MAS1: variants seen among roughly 807,000 people sequenced by gnomAD.
The protein encoded by MAS1 is proto-oncogene Mas.
For synonymous variants in MAS1, 163 were observed against 164.2 expected (o/e 0.99, Z 0.05); for missense variants, 387 against 409.7 (o/e 0.94, Z 0.48).
chr6:159,895,770 G>A (rs1782748408), intron 1 of MAS1, among the ~76,000 whole-genome samples: 3 of 152,204 alleles, frequency 2.0e-5, no homozygotes, highest in Admixed American at 1.3e-4. Flanking sequence ...TACTGTTGAT[G>A]TTGGTATTAA....
chr6:159,898,954 T>C (rs1358097090), intron 1 of MAS1, among the ~76,000 whole-genome samples: 1 of 152,166 alleles, frequency 6.6e-6, no homozygotes, highest in Non-Finnish European at 1.5e-5. Flanking sequence ...CCAGACACAC[T>C]GGAGCAAAGG....
rs1159071688 is a variant in MAS1 at position 159,913,842 on chromosome 6, G to C, written c.*5909G>C. 6.6e-6 allele frequency: 1 copy of C among 152,054 alleles called. No individual in the cohort carries two copies. The highest frequency in any genetic ancestry group is 1.5e-5 in the Non-Finnish European group (1 of 68,006). The allele number at this position is 152,054 out of a possible 1,614,324, so 9.4% of individuals were successfully genotyped here. On this transcript the variant is annotated 3_prime_UTR_variant, in exon 3 of 3. Transcript: ENST00000674077. The stretch of plus-strand genomic sequence containing the variant: ...TTTTCATGATTTTCTATGAAATTTT[G>C]GTCCTCATTTTAACAAGATTCCTTT...
Position 159,907,437 on chromosome 6 carries a change from G to T in MAS1, c.482G>T (p.Cys161Phe). 1 of 1,614,012 alleles carries T rather than the reference G, an allele frequency of 6.2e-7. No individual in the cohort carries two copies. Among genetic ancestry groups the T allele is most frequent in the Admixed American group, 1.7e-5 (1 of 60,010 alleles). ...TGTGCCCTTCTGTGGGCTCTTTCTT[G>T]CTTGGTGACCACCATGGAGTATGTC... Reference protein sequence around the residue: ...LVCALLWALSCLVTTMEYVMC... With the variant: ...LVCALLWALSFLVTTMEYVMC... Residue 161 changes from cysteine to phenylalanine, a missense_variant, in exon 3 of 3, where the codon TGC becomes TTC. By Grantham distance (205) the Cys-to-Phe change is radical. Coordinates refer to ENST00000674077, the MANE Select transcript of MAS1 (RefSeq NM_002377.4).
At position 159,912,757 on chromosome 6, in the gene MAS1, A is replaced by T. The variant is rs1389573312; in HGVS notation, c.*4824A>T. ...TTGTGATGCCTGAGAGTCAATGTGC[A>T]AACTGTCCTCGAACTTTAATTGATG... On this transcript the variant is annotated 3_prime_UTR_variant, in exon 3 of 3. Transcript: ENST00000674077. The T allele has an allele frequency of 6.6e-6, 1 of 152,206 alleles. No individual in the cohort carries two copies. Among genetic ancestry groups the T allele is most frequent in the African/African-American group, 2.4e-5 (1 of 41,456 alleles). The allele number at this position is 152,206 out of a possible 1,614,324, so 9.4% of individuals were successfully genotyped here. A position where few individuals can be genotyped will look rare whatever the true frequency, so the allele number is the denominator to read the frequency against.
At position 159,911,867 on chromosome 6, in the gene MAS1, G is replaced by C. The variant is rs1026344706; in HGVS notation, c.*3934G>C. On this transcript the variant is annotated 3_prime_UTR_variant, in exon 3 of 3. Transcript: ENST00000674077. ...TATCAGCCTCTCCCCTGTGTGCTCA[G>C]GGGGAACTCACTATGCCCCTCCCTG... 1 of 152,244 alleles carries C rather than the reference G, an allele frequency of 6.6e-6. No individual in the cohort carries two copies. The highest frequency in any genetic ancestry group is 1.5e-5 in the Non-Finnish European group (1 of 68,134). 9.4% of individuals were successfully genotyped at this position (152,244 alleles called of 1,614,324 possible).
chr6:159,900,955 T>C (rs1425092519), intron 2 of MAS1, among the ~76,000 whole-genome samples: 4 of 152,214 alleles, frequency 2.6e-5, no homozygotes, highest in Non-Finnish European at 5.9e-5. Flanking sequence ...ATGGACTGGG[T>C]GACTTACACA....
At chr6:159,905,644 C>G (rs1196211980) in intron 2 of MAS1, among the ~76,000 whole-genome samples, 1 of 152,184 alleles carries the variant, frequency 6.6e-6, no homozygotes, top group Non-Finnish European at 1.5e-5. Context: ...CTAGAAATGT[C>G]TAATATCACC....
chr6:159,904,912 A>G (rs1186477777), intron 2 of MAS1, among the ~76,000 whole-genome samples: 7 of 152,076 alleles, frequency 4.6e-5, no homozygotes, highest in African/African-American at 1.7e-4. Flanking sequence ...TGCCTGGAAT[A>G]CTTTTCCCCC....
At chr6:159,904,739 A>C (rs892572587) in intron 2 of MAS1, among the ~76,000 whole-genome samples, 1 of 152,158 alleles carries the variant, frequency 6.6e-6, no homozygotes, top group African/African-American at 2.4e-5. Flanking sequence ...CTGGGGGTAA[A>C]AGCACCAGCC....
At position 159,907,370 on chromosome 6, in the gene MAS1, T is replaced by C. The variant is rs1201188264; in HGVS notation, c.415T>C (p.Trp139Arg). The part of the protein sequence containing the change: ...ERCLSVLYPI[W>R]YRCHRPKYQS... ...GTGCCTGTCAGTCCTTTACCCCATC[T>C]GGTACCGATGCCATCGCCCCAAGTA... is the stretch of plus-strand genomic sequence containing the variant. The change falls in exon 3 of 3, where the codon TGG becomes CGG. Residue 139 changes from tryptophan (W) to arginine (R), a missense_variant. Coordinates refer to ENST00000674077, the MANE Select transcript of MAS1 (RefSeq NM_002377.4). The C allele has an allele frequency of 6.2e-7, 1 of 1,614,214 alleles. No homozygotes were observed. Among genetic ancestry groups the C allele is most frequent in the Non-Finnish European group, 8.5e-7 (1 of 1,180,038 alleles).
At chr6:159,894,061 T>C (rs1782728517) in intron 1 of MAS1, among the ~76,000 whole-genome samples, 1 of 151,844 alleles carries the variant, frequency 6.6e-6, no homozygotes, top group Non-Finnish European at 1.5e-5. Context: ...CCCAGGACAT[T>C]TGGGTATATG....
chr6:159,895,267 T>G (rs1307867555), intron 1 of MAS1, among the ~76,000 whole-genome samples: 1 of 152,160 alleles, frequency 6.6e-6, no homozygotes, highest in East Asian at 1.9e-4. Flanking sequence ...CCTTTGTTAC[T>G]AAGTATGTAA....
chr6:159,907,331 A>G lies in MAS1; in HGVS notation c.376A>G (p.Ile126Val), dbSNP rs1414977202. The stretch of plus-strand genomic sequence containing the variant: ...CACGGGCCTCTATCTGCTGACGGCC[A>G]TTAGTGTGGAGAGGTGCCTGTCAGT... ...YNTGLYLLTA[I>V]SVERCLSVLY... The change falls in exon 3 of 3, where the codon ATT (isoleucine) becomes GTT (valine). Residue 126 changes from isoleucine (I) to valine (V), a missense_variant. Physicochemically the swap from Ile to Val is conservative, Grantham distance 29 (BLOSUM62 3). Transcript: ENST00000674077. 3.1e-6 allele frequency: 5 copies of G among 1,614,156 alleles called. No individual in the cohort carries two copies. Among genetic ancestry groups the G allele is most frequent in the Non-Finnish European group, 4.2e-6 (5 of 1,180,042 alleles).
At chr6:159,897,553 TG>T (rs1390858856) in intron 1 of MAS1, among the ~76,000 whole-genome samples, 2 of 151,996 alleles carry the variant, frequency 1.3e-5, no homozygotes, top group Admixed American at 1.3e-4. Flanking sequence ...AGGCAAGAAG[TG>T]GGTTTGTTTT....
Position 159,912,592 on chromosome 6 carries a change from G to C in MAS1, c.*4659G>C, listed in dbSNP as rs1011794061. 3.9e-5 allele frequency: 2 copies of C among 51,048 alleles called. No homozygotes were observed. Among genetic ancestry groups the C allele is most frequent in the Non-Finnish European group, 7.2e-5 (2 of 27,724 alleles). The allele number at this position is 51,048 out of a possible 1,614,324, so 3.2% of individuals were successfully genotyped here. ...ACCTAACATTTGACTGTTTAACTTT[G>C]CAAGGTTATATGGGAAAAAAAATCC... is the stretch of plus-strand genomic sequence containing the variant. On this transcript the variant is annotated 3_prime_UTR_variant, in exon 3 of 3. Transcript: ENST00000674077.
rs1048813237 is a variant in MAS1 at position 159,916,995 on chromosome 6, T to C, written c.*9062T>C. ...CCATTTAAAAATGTAAAAAAACTAT[T>C]CTCAGCTTGTGGGTTTTACAAAAAC... On this transcript the variant is annotated 3_prime_UTR_variant, in exon 3 of 3. Transcript: ENST00000674077. Among the ~76,000 whole-genome samples, 1 of 152,274 alleles carries C rather than the reference T, an allele frequency of 6.6e-6. No homozygotes were observed. Among genetic ancestry groups the C allele is most frequent in the Non-Finnish European group, 1.5e-5 (1 of 68,052 alleles).
At chr6:159,894,695 G>A (rs75400131) in intron 1 of MAS1, among the ~76,000 whole-genome samples, 4,338 of 152,248 alleles carry the variant, frequency 0.028, 227 homozygotes, top group African/African-American at 0.099. Flanking sequence ...AGAGCGCTGC[G>A]CTGTTGAATG....
intron 1 of MAS1, among the ~76,000 whole-genome samples, chr6:159,896,862 G>T (rs546700999): frequency 1.7e-4 from 14 of 84,708 alleles, no homozygotes; most frequent in Non-Finnish European, 2.3e-4. Flanking sequence ...GGGTTTTTTT[G>T]TTTGTTTGTT....
chr6:159,905,359 C>T (rs1188376903), intron 2 of MAS1, among the ~76,000 whole-genome samples: 3 of 152,178 alleles, frequency 2.0e-5, no homozygotes, highest in Admixed American at 6.5e-5. Context: ...GGTTCTTTTC[C>T]GGGTCTCTGT....
Sources: gnomAD v4.1 joint callset for allele counts (sites outside exome capture counted in the v4.1 genomes callset) on GRCh38, gnomAD v4.1.1 for gene constraint, MANE v1.5 for transcripts, NCBI Gene and HGNC (gene_info 2026-07-23, HGNC 2026-07-21) for gene names.